KREMEN1: variants seen among roughly 807,000 people sequenced by gnomAD.
The protein encoded by KREMEN1 is kremen protein 1.
KREMEN1 carries 30 observed loss-of-function variants against 46.5 expected under a neutral mutation model. That is an observed-to-expected ratio of 0.65 (90% CI 0.48 to 0.88). The LOEUF (loss-of-function observed/expected upper bound fraction) is 0.88. Among genes scored for constraint, KREMEN1 ranks in the 40% least tolerant of loss-of-function variants. The pLI, the probability that KREMEN1 is intolerant of heterozygous loss-of-function variation, is 0.00. For synonymous variants in KREMEN1, 214 were observed against 230.6 expected (o/e 0.93, Z 0.65); for missense variants, 533 against 596.9 (o/e 0.89, Z 1.11).
chr22:29,158,177 C>T lies in KREMEN1; in HGVS notation c.1417-8867C>T, dbSNP rs1212128417. 4.6e-5 allele frequency among the ~76,000 whole-genome samples: 7 copies of T among 152,178 alleles called. No homozygotes were observed. The South Asian group carries it at 6.2e-4, about 14-fold the overall frequency. On this transcript the variant is annotated intron_variant, in intron 9 of 9. Transcript: ENST00000327813. The stretch of plus-strand genomic sequence containing the variant: ...GTGGGCTGGCCCAGTGTGAGAAACA[C>T]GGGTAAAACACGGGGTACCAATTTG...
chr22:29,089,605 T>TAAATAA (rs134650), intron 1 of KREMEN1, among the ~76,000 whole-genome samples: 76,853 of 151,488 alleles, frequency 0.51, 20,174 homozygotes, highest in Middle Eastern at 0.62. Flanking sequence ...CAAAAATGAA[T>TAAATAA]AAATAAAGAT....
At position 29,137,448 on chromosome 22, in the gene KREMEN1, C is replaced by T. The variant is rs774234535; in HGVS notation, c.738C>T (p.Ile246=). Residue 246 remains isoleucine (I), a synonymous_variant, in exon 6 of 9, where the codon ATC becomes ATT. Coordinates refer to ENST00000400335, the MANE Select transcript of KREMEN1 (RefSeq NM_001039570.3). ...YATGRVCYWT[I]RVPGASHIHF... Reference sequence around the variant, plus strand: ...CGGGGAGGGTCTGCTACTGGACCATCCGGGTTCCGGGGGCCTCCCACATCC... The same window carrying T: ...CGGGGAGGGTCTGCTACTGGACCATTCGGGTTCCGGGGGCCTCCCACATCC... The T allele has an allele frequency of 1.9e-6, 3 of 1,602,846 alleles. No individual in the cohort carries two copies. The South Asian group carries it at 3.3e-5, about 18-fold the overall frequency.
chr22:29,091,696 C>CTCTGGTGTG (rs909842011), intron 1 of KREMEN1, among the ~76,000 whole-genome samples: 1 of 152,114 alleles, frequency 6.6e-6, no homozygotes, highest in Admixed American at 6.5e-5. Flanking sequence ...TGGGATAGAG[C>CTCTGGTGTG]TCTGGTGTGT....
chr22:29,125,172 T>C (rs2038421169), intron 4 of KREMEN1, 91 bp from the exon 5 acceptor site: 5 of 1,473,972 alleles, frequency 3.4e-6, no homozygotes, highest in Admixed American at 1.8e-5. Flanking sequence ...TTGAGGCTGA[T>C]TGCTTGCTGG....
intron 3 of KREMEN1, among the ~76,000 whole-genome samples, chr22:29,121,084 A>G (rs562384917): frequency 2.1e-5 from 3 of 144,504 alleles, no homozygotes; most frequent in East Asian, 2.1e-4. Context: ...ACTAAATCCT[A>G]TCAATATTAA....
intron 2 of KREMEN1, among the ~76,000 whole-genome samples, chr22:29,098,268 T>C (rs984259354): frequency 5.3e-5 from 8 of 152,224 alleles, no homozygotes; most frequent in African/African-American, 1.7e-4. Flanking sequence ...TTCCCTTCTA[T>C]GGATATACAA....
At chr22:29,139,010 T>A (rs2038716283) in intron 7 of KREMEN1, among the ~76,000 whole-genome samples, 1 of 152,242 alleles carries the variant, frequency 6.6e-6, no homozygotes, top group Non-Finnish European at 1.5e-5. Flanking sequence ...TAGGCAAGCG[T>A]GCCTTTTGTA....
Position 29,126,658 on chromosome 22 carries a change from A to G in KREMEN1, c.631+1242A>G, listed in dbSNP as rs1200169369. Among the ~76,000 whole-genome samples the G allele has an allele frequency of 4.6e-5, 7 of 152,206 alleles. No homozygotes were observed. In the East Asian group the frequency reaches 1.2e-3, roughly 25 times the overall value. ...CGAACTTATCTTTCTAGGGGACACA[A>G]TTCAGCCACTATATATATGGTGACT... On this transcript the variant is annotated intron_variant, in intron 5 of 8. Transcript: ENST00000400335.
chr22:29,143,971 G>C lies in KREMEN1; in HGVS notation c.*1859G>C. Reference sequence around the variant, plus strand: ...CCTCCTAAGATTGAGTGCTGCAGCTGTAGTGGCTGCTGGTTGGGAGAGTAA... The same window carrying C: ...CCTCCTAAGATTGAGTGCTGCAGCTCTAGTGGCTGCTGGTTGGGAGAGTAA... On this transcript the variant is annotated 3_prime_UTR_variant, in exon 9 of 9. Coordinates refer to ENST00000400335, the MANE Select transcript of KREMEN1 (RefSeq NM_001039570.3). The C allele has an allele frequency of 1.0e-6, 1 of 985,376 alleles. No individual in the cohort carries two copies. Among genetic ancestry groups the C allele is most frequent in the Non-Finnish European group, 1.2e-6 (1 of 829,876 alleles). The allele number at this position is 985,376 out of a possible 1,614,324, so 61.0% of individuals were successfully genotyped here. A position where few individuals can be genotyped will look rare whatever the true frequency, so the allele number is the denominator to read the frequency against.
chr22:29,089,021 T>G (rs912174047), intron 1 of KREMEN1, among the ~76,000 whole-genome samples: 1 of 152,198 alleles, frequency 6.6e-6, no homozygotes, highest in Admixed American at 6.5e-5. Flanking sequence ...ACTTTCTCAG[T>G]CATCATTGCC....
In KREMEN1 at chr22:29,142,268, A is replaced by C. The variant is rs1601812878; in HGVS notation, c.*156A>C. The C allele has an allele frequency of 1.5e-6, 2 of 1,332,908 alleles. No homozygotes were observed. The highest frequency in any genetic ancestry group is 4.5e-5 in the South Asian group (2 of 44,666). 82.6% of individuals were successfully genotyped at this position (1,332,908 alleles called of 1,614,324 possible). Reference sequence around the variant, plus strand: ...CTCCTCCTACAGACTAGGAAGAGGCACCCTGCTGCCAGGGCAGGCAGAGCC... The same window carrying C: ...CTCCTCCTACAGACTAGGAAGAGGCCCCCTGCTGCCAGGGCAGGCAGAGCC... On this transcript the variant is annotated 3_prime_UTR_variant, in exon 9 of 9. Transcript: ENST00000400335.
In KREMEN1 at chr22:29,073,400, C is replaced by T. The variant is rs1426131159; in HGVS notation, c.97+173C>T. Among the ~76,000 whole-genome samples, 1 of 151,964 alleles carries T rather than the reference C, an allele frequency of 6.6e-6. No homozygotes were observed. The highest frequency in any genetic ancestry group is 1.5e-5 in the Non-Finnish European group (1 of 67,932). On this transcript the variant is annotated intron_variant, in intron 1 of 8. Coordinates refer to ENST00000400335, the MANE Select transcript of KREMEN1 (RefSeq NM_001039570.3). The surrounding 1 kb of genome is among the most constrained non-coding windows in gnomAD (Gnocchi z 4.4). ...GGATGGTCCCTTCCTGGGACCCGGG[C>T]TACCCCCAGGCCCGTCATCGACGCC...
chr22:29,083,445 A>G (rs1376285538), intron 1 of KREMEN1, among the ~76,000 whole-genome samples: 1 of 152,174 alleles, frequency 6.6e-6, no homozygotes, highest in Non-Finnish European at 1.5e-5. Context: ...TTTTTTCTCA[A>G]AAAGTGTCTT....
chr22:29,098,857 A>T lies in KREMEN1; in HGVS notation c.261-5A>T. On this transcript the variant is annotated splice_region_variant and splice_polypyrimidine_tract_variant and intron_variant, in intron 2 of 8. Coordinates refer to ENST00000400335, the MANE Select transcript of KREMEN1 (RefSeq NM_001039570.3). ...AGTCATCAATTGTGTCCTTTTCCCC[A>T]ACAGAAATCCAGATGGAGACGTGAG... is the stretch of plus-strand genomic sequence containing the variant. 6.2e-7 allele frequency: 1 copy of T among 1,611,796 alleles called. No individual in the cohort carries two copies. The highest frequency in any genetic ancestry group is 8.5e-7 in the Non-Finnish European group (1 of 1,177,886).
At position 29,094,468 on chromosome 22, in the gene KREMEN1, T is replaced by G. The variant is rs748409180; in HGVS notation, c.260+48T>G. The G allele has an allele frequency of 1.7e-5, 26 of 1,523,182 alleles. No individual in the cohort carries two copies. In the South Asian group the frequency reaches 3.2e-4, roughly 19 times the overall value. 94.4% of individuals were successfully genotyped at this position (1,523,182 alleles called of 1,614,324 possible). On this transcript the variant is annotated intron_variant, in intron 2 of 8. Transcript: ENST00000400335. ...TTTAAAAAGATAGATATATATCTAG[T>G]CTCTTCTTCCAACCCCTTTCATCCC...
At chr22:29,130,838 T>A (rs952210574) in intron 5 of KREMEN1, among the ~76,000 whole-genome samples, 2 of 152,224 alleles carry the variant, frequency 1.3e-5, no homozygotes, top group Non-Finnish European at 2.9e-5. Context: ...TCACCCAGAT[T>A]GTATATGTCG....
chr22:29,111,385 G>A (rs1189335003), intron 3 of KREMEN1, among the ~76,000 whole-genome samples: 1 of 151,812 alleles, frequency 6.6e-6, no homozygotes, highest in Non-Finnish European at 1.5e-5. Flanking sequence ...GGCCGAGGCG[G>A]GCGGATCATG....
At chr22:29,161,313 C>T (rs995084854) in intron 9 of KREMEN1, among the ~76,000 whole-genome samples, 2 of 151,798 alleles carry the variant, frequency 1.3e-5, no homozygotes, top group Non-Finnish European at 2.9e-5. Context: ...CGAGACCATC[C>T]TGGCTAACAT....
At chr22:29,133,158 G>A (rs1241870813) in intron 5 of KREMEN1, among the ~76,000 whole-genome samples, 1 of 150,140 alleles carries the variant, frequency 6.7e-6, no homozygotes, top group Non-Finnish European at 1.5e-5. Flanking sequence ...TGAGGCAGGA[G>A]AATGGCGTGA....
Sources: gnomAD v4.1 joint callset for allele counts (sites outside exome capture counted in the v4.1 genomes callset) on GRCh38, gnomAD v4.1.1 for gene constraint, Gnocchi (gnomAD v3.1) non-coding constraint, MANE v1.5 for transcripts, NCBI Gene and HGNC (gene_info 2026-07-23, HGNC 2026-07-21) for gene names.